Variants in PPFIA4 observed in about 807,000 individuals in gnomAD.
The protein encoded by PPFIA4 is PPFI scaffold protein A4, also known as liprin-alpha-4.
A neutral mutation model predicts 145.7 loss-of-function variants in PPFIA4; 98 were observed. The ratio of observed to expected loss-of-function variants is 0.67; its 90% CI spans 0.57 to 0.80. The LOEUF is 0.80. PPFIA4 is among the 30% of genes least tolerant of loss of function. The probability of loss-of-function intolerance (pLI) is 0.00; values close to 1 mark genes in which losing one functional copy is unlikely to be tolerated. For synonymous variants in PPFIA4, 628 were observed against 649.6 expected (o/e 0.97, Z 0.51); for missense variants, 1,457 against 1,632.7 (o/e 0.89, Z 1.85).
chr1:203,061,531 C>T, intron 23 of PPFIA4, 121 bp from the exon 24 acceptor site: 1 of 1,031,422 alleles, frequency 9.7e-7, no homozygotes, highest in Non-Finnish European at 1.4e-6. Context: ...ACGAGCTTTC[C>T]CCAGTCACCC....
rs1234646611 is a variant in PPFIA4 at position 203,059,773 on chromosome 1, C to A, written c.2505C>A (p.His835Gln). The A allele has an allele frequency of 6.2e-7, 1 of 1,613,108 alleles. No individual in the cohort carries two copies. Among genetic ancestry groups the A allele is most frequent in the Admixed American group, 1.7e-5 (1 of 59,962 alleles). ...CTGTTGTTCCTCTTCCTATAAGACA[C>A]CAGCTGCTTGAAGATGCCCGCAGGA... ...AEKDRRLKKK[H>Q]QLLEDARRKG... Residue 835 changes from histidine to glutamine, a missense_variant, in exon 21 of 30, where the codon CAC (histidine) becomes CAA (glutamine). Transcript: ENST00000295706.
At position 203,074,054 on chromosome 1, in the gene PPFIA4, A is replaced by C. The variant is rs1662352785; in HGVS notation, c.3394-1523A>C. ...ATGGTTTCTGCCCCATGGAGCATAG[A>C]ATTTGAGAGAAAGAGCGAGAAAGAA... On this transcript the variant is annotated intron_variant, in intron 28 of 29. Coordinates refer to ENST00000295706, the MANE Select transcript of PPFIA4 (RefSeq NM_001304331.2). Among the ~76,000 whole-genome samples the C allele has an allele frequency of 2.0e-5, 3 of 152,138 alleles. No homozygotes were observed. In the South Asian group the frequency reaches 6.2e-4, roughly 31 times the overall value.
At position 203,063,869 on chromosome 1, in the gene PPFIA4, T is replaced by C. The variant is rs1661556125; in HGVS notation, c.2916T>C (p.Asn972=). 3 of 1,613,954 alleles carry C rather than the reference T, an allele frequency of 1.9e-6. No individual in the cohort carries two copies. The highest frequency in any genetic ancestry group is 1.7e-5 in the Admixed American group (1 of 60,012). ...ACATGAACCATGAGTGGATTGGGAA[T>C]GAATGGCTACCCAGCCTGGGGCTCC... The part of the protein sequence containing the change: ...YGDMNHEWIG[N]EWLPSLGLPQ... Residue 972 remains asparagine (N), a synonymous_variant, in exon 25 of 30, where the codon AAT becomes AAC. Transcript: ENST00000295706.
At position 203,054,800 on chromosome 1, in the gene PPFIA4, G is replaced by A. The variant is rs931548983; in HGVS notation, c.1830-632G>A. ...TTAATGATAATGACTATCTATTATC[G>A]CAATCATTTTGCAAAAGAAAGGACA... On this transcript the variant is annotated intron_variant, in intron 15 of 29. Coordinates refer to ENST00000295706, the MANE Select transcript of PPFIA4 (RefSeq NM_001304331.2). Among the ~76,000 whole-genome samples, 5 of 151,936 alleles carry A rather than the reference G, an allele frequency of 3.3e-5. No homozygotes were observed. The South Asian group carries it at 1.0e-3, about 32-fold the overall frequency.
chr1:203,045,855 G>T lies in PPFIA4; in HGVS notation c.873G>T (p.Lys291Asn). The T allele has an allele frequency of 1.2e-6, 2 of 1,612,882 alleles. No homozygotes were observed. The highest frequency in any genetic ancestry group is 1.7e-6 in the Non-Finnish European group (2 of 1,179,886). ...QRDLREALAQKEDMEERITTL... is the reference protein window; with the variant it reads ...QRDLREALAQNEDMEERITTL... Reference sequence around the variant, plus strand: ...TCTTCTCCCAGGCTCTGGCCCAGAAGGAGGACATGGAAGAGCGGATTACTA... The same window carrying T: ...TCTTCTCCCAGGCTCTGGCCCAGAATGAGGACATGGAAGAGCGGATTACTA... Residue 291 changes from lysine to asparagine, a missense_variant, in exon 8 of 30, where the codon AAG becomes AAT. Lys to Asn is a moderately conservative substitution (Grantham distance 94). Transcript: ENST00000295706.
At position 203,048,628 on chromosome 1, in the gene PPFIA4, TC is replaced by T; in HGVS notation, c.1271del (p.Ser424TrpfsTer19). The T allele has an allele frequency of 6.2e-7, 1 of 1,602,288 alleles. No individual in the cohort carries two copies. The highest frequency in any genetic ancestry group is 8.5e-7 in the Non-Finnish European group (1 of 1,175,372). On this transcript the variant is annotated frameshift_variant, in exon 11 of 30. Transcript: ENST00000295706. LOFTEE classifies it high-confidence loss of function. This position sits in a 1 kb window ranked among gnomAD's most constrained non-coding sequence, Gnocchi z 5.8. ...KMNEDHNKRL[S>X]DTVDRLLSES... ...GAATGAGGACCACAACAAGCGGCTG[TC>T]GGACACAGTGGACCGGCTGCTCAGC...
rs1465549566 is a variant in PPFIA4, at chr1:203,039,134, G to A, written c.126G>A (p.Glu42=). The A allele has an allele frequency of 1.9e-6, 3 of 1,607,766 alleles. No homozygotes were observed. In the African/African-American group the frequency reaches 4.0e-5, roughly 21 times the overall value. Residue 42 remains glutamate (E), a synonymous_variant, in exon 2 of 30, where the codon GAG becomes GAA. Coordinates refer to ENST00000295706, the MANE Select transcript of PPFIA4 (RefSeq NM_001304331.2). The stretch of plus-strand genomic sequence containing the variant: ...TGGACGAGCGGGAGAAGTTGCTGGA[G>A]TCTCTTCGGGAGAGTCAGGAGACCT... ...NMLDEREKLL[E]SLRESQETLA... is the part of the protein sequence containing the mutation.
At chr1:203,046,779 GTA>G (rs952358942) in intron 9 of PPFIA4, among the ~76,000 whole-genome samples, 10 of 151,986 alleles carry the variant, frequency 6.6e-5, no homozygotes, top group African/African-American at 2.4e-4. Flanking sequence ...AAGAGAAATG[GTA>G]TATATATCCC....
rs1028380223 is a variant in PPFIA4, at chr1:203,073,428, C to G, written c.3393+1668C>G. Among the ~76,000 whole-genome samples, 93 of 152,100 alleles carry G rather than the reference C, an allele frequency of 6.1e-4. 1 individual carries two copies. The highest frequency in any genetic ancestry group is 5.9e-3 in the Admixed American group (90 of 15,264). ...GTGCAGTGGAGTTTTTGGGATTCAA[C>G]TAGGTGTGGGCTAGAGAGGAGGGTT... On this transcript the variant is annotated intron_variant, in intron 28 of 29. Transcript: ENST00000295706.
intron 2 of PPFIA4, among the ~76,000 whole-genome samples, chr1:203,042,530 C>T (rs941710386): frequency 1.1e-4 from 17 of 152,238 alleles, no homozygotes; most frequent in Non-Finnish European, 1.9e-4. Flanking sequence ...TTATTTCACC[C>T]GCTACTTGCA....
Position 203,048,769 on chromosome 1 carries a change from G to T in PPFIA4, c.1356+55G>T. ...GAGGTTAGTGCTGGGTGTGGGGCGGGGGGAGGCGGGACTGTGATGGGCGCA... is the reference window on the plus strand; with the variant it reads ...GAGGTTAGTGCTGGGTGTGGGGCGGTGGGAGGCGGGACTGTGATGGGCGCA... On this transcript the variant is annotated intron_variant, in intron 11 of 29. Transcript: ENST00000295706. The surrounding 1 kb of genome is among the most constrained non-coding windows in gnomAD (Gnocchi z 5.8). 3 of 1,577,112 alleles carry T rather than the reference G, an allele frequency of 1.9e-6. No homozygotes were observed. Among genetic ancestry groups the T allele is most frequent in the Non-Finnish European group, 2.6e-6 (3 of 1,160,728 alleles).
At chr1:203,027,566 A>AT (rs1198364787) in intron 1 of PPFIA4, among the ~76,000 whole-genome samples, 1 of 152,008 alleles carries the variant, frequency 6.6e-6, no homozygotes, top group Non-Finnish European at 1.5e-5. Flanking sequence ...TCGCAGGGAG[A>AT]TCCCCTCCTG....
intron 27 of PPFIA4, among the ~76,000 whole-genome samples, chr1:203,071,274 A>G (rs1235906603): frequency 2.7e-5 from 4 of 150,828 alleles, no homozygotes; most frequent in Admixed American, 1.3e-4. Context: ...GGTTCAAGCA[A>G]TTCTCCTGCC....
chr1:203,066,435 G>A (rs578091438), intron 25 of PPFIA4, among the ~76,000 whole-genome samples: 2 of 152,342 alleles, frequency 1.3e-5, no homozygotes, highest in Non-Finnish European at 2.9e-5. Flanking sequence ...AGAGTTGGGA[G>A]GGACTTTCCA....
At chr1:203,033,183 G>A (rs1359981329) in intron 1 of PPFIA4, among the ~76,000 whole-genome samples, 1 of 152,168 alleles carries the variant, frequency 6.6e-6, no homozygotes, top group Non-Finnish European at 1.5e-5. Context: ...GAGCACTGGA[G>A]CGTATTGTGT....
chr1:203,046,070 A>G, intron 8 of PPFIA4, 83 bp downstream of exon 8: 1 of 1,592,520 alleles, frequency 6.3e-7, no homozygotes, highest in South Asian at 1.1e-5. Context: ...ATGGCTGAGG[A>G]GCCCCTGGGG....
rs754976835 is a variant in PPFIA4 at position 203,075,669 on chromosome 1, C to T, written c.3486C>T (p.Ser1162=). The part of the protein sequence containing the change: ...HHGRGGMLSA[S]AETLPAGFRV... Reference sequence around the variant, plus strand: ...GTCGCGGCGGCATGCTCAGCGCTTCCGCGGAGACCCTCCCGGCGGGCTTCC... The same window carrying T: ...GTCGCGGCGGCATGCTCAGCGCTTCTGCGGAGACCCTCCCGGCGGGCTTCC... The change falls in exon 29 of 30, where the codon TCC becomes TCT. Residue 1162 remains serine (S), a synonymous_variant. Transcript: ENST00000295706. The surrounding 1 kb of genome is among the most constrained non-coding windows in gnomAD (Gnocchi z 4.1). 5 of 1,504,544 alleles carry T rather than the reference C, an allele frequency of 3.3e-6. No individual in the cohort carries two copies. Among genetic ancestry groups the T allele is most frequent in the East Asian group, 2.7e-5 (1 of 36,768 alleles). The allele number at this position is 1,504,544 out of a possible 1,614,324, so 93.2% of individuals were successfully genotyped here. A position where few individuals can be genotyped will look rare whatever the true frequency, so the allele number is the denominator to read the frequency against.
In PPFIA4 at chr1:203,060,829, C is replaced by A; in HGVS notation, c.2785-141C>A. ...CCCCTGGGGTGGAGTCTTTCATTGTCGGCCATCTCCATGATTGAGACCAGC... is the reference window on the plus strand; with the variant it reads ...CCCCTGGGGTGGAGTCTTTCATTGTAGGCCATCTCCATGATTGAGACCAGC... On this transcript the variant is annotated intron_variant, in intron 22 of 29. Coordinates refer to ENST00000295706, the MANE Select transcript of PPFIA4 (RefSeq NM_001304331.2). The surrounding 1 kb of genome is among the most constrained non-coding windows in gnomAD (Gnocchi z 4.8). The A allele has an allele frequency of 6.8e-6, 5 of 730,628 alleles. No homozygotes were observed. The South Asian group carries it at 8.5e-5, about 12-fold the overall frequency. The allele number at this position is 730,628 out of a possible 1,614,324, so 45.3% of individuals were successfully genotyped here. A position where few individuals can be genotyped will look rare whatever the true frequency, so the allele number is the denominator to read the frequency against.
At chr1:203,063,751 C>CG (rs1350853950) in intron 24 of PPFIA4, 77 bp from the exon 25 acceptor site, 20 of 1,493,106 alleles carry the variant, frequency 1.3e-5, no homozygotes, top group African/African-American at 2.8e-5. Flanking sequence ...ATGTGTCTCC[C>CG]GACCAGCTAT....
Sources: allele counts gnomAD v4.1 joint callset (sites outside exome capture counted in the v4.1 genomes callset), GRCh38; gene constraint gnomAD v4.1.1; non-coding constraint Gnocchi (gnomAD v3.1); transcripts MANE v1.5; gene names NCBI Gene and HGNC (gene_info 2026-07-23, HGNC 2026-07-21).